ACAP2: variants seen among roughly 807,000 people sequenced by gnomAD.
ACAP2 encodes ArfGAP with coiled-coil, ankyrin repeat and PH domains 2, also known as arf-GAP with coiled-coil, ANK repeat and PH domain-containing protein 2.
Under a neutral mutation model 115.8 loss-of-function variants are expected in ACAP2, and 39 were observed. The observed-to-expected ratio is 0.34, with a 90% CI of 0.26 to 0.44. The LOEUF (loss-of-function observed/expected upper bound fraction) is 0.44. Among genes scored for constraint, ACAP2 ranks in the 20% least tolerant of loss-of-function variants. The pLI, the probability that ACAP2 is intolerant of heterozygous loss-of-function variation, is 1.00. For missense variants in ACAP2, 662 were observed against 927.6 expected (o/e 0.71, Z 3.72); for synonymous variants, 289 against 315.8 (o/e 0.92, Z 0.90).
intron 4 of ACAP2, among the ~76,000 whole-genome samples, chr3:195,353,698 G>A (rs1439078307): frequency 6.6e-6 from 1 of 152,134 alleles, no homozygotes; most frequent in African/African-American, 2.4e-5. Context: ...GAGATGTGTG[G>A]ATCTCAAAAG....
chr3:195,356,028 C>A (rs1385809304), intron 4 of ACAP2: 1 of 447,614 alleles, frequency 2.2e-6, no homozygotes, highest in South Asian at 1.6e-5. Flanking sequence ...ACAAAAAGCA[C>A]CTTCATAAGA....
intron 10 of ACAP2, among the ~76,000 whole-genome samples, chr3:195,320,053 G>A (rs773255665): frequency 3.9e-5 from 6 of 152,082 alleles, no homozygotes; most frequent in African/African-American, 7.2e-5. Context: ...GTTTAAAAGC[G>A]GCAATTTCCC....
intron 13 of ACAP2, among the ~76,000 whole-genome samples, chr3:195,305,696 T>C (rs193063330): frequency 1.3e-5 from 2 of 152,266 alleles, no homozygotes; most frequent in Non-Finnish European, 2.9e-5. Flanking sequence ...CTATCTTTGC[T>C]GACATGCCCT....
chr3:195,403,154 T>C (rs952802405), intron 1 of ACAP2, among the ~76,000 whole-genome samples: 1 of 152,144 alleles, frequency 6.6e-6, no homozygotes, highest in African/African-American at 2.4e-5. Flanking sequence ...CAGTGAACCA[T>C]GCAGACAAGG....
rs1201422356 is a variant in ACAP2 at position 195,411,125 on chromosome 3, AC to A, written c.54-18979del. On this transcript the variant is annotated intron_variant, in intron 1 of 22. Transcript: ENST00000326793. The stretch of plus-strand genomic sequence containing the variant: ...CCCATTAGGATGGCTACTAAAAAAA[AC>A]ATAACAAGTGTCAATGAGGACGTGG... The A allele has an allele frequency of 3.6e-5, 7 of 193,030 alleles. No individual in the cohort carries two copies. The East Asian group carries it at 1.0e-3, about 28-fold the overall frequency. The allele number at this position is 193,030 out of a possible 1,614,324, so 12.0% of individuals were successfully genotyped here. A position where few individuals can be genotyped will look rare whatever the true frequency, so the allele number is the denominator to read the frequency against.
rs749352761 is a variant in ACAP2, at chr3:195,377,138, C to CTTTTTTTT, written c.285+3863_285+3870dup. On this transcript the variant is annotated intron_variant, in intron 4 of 22. Coordinates refer to ENST00000326793, the MANE Select transcript of ACAP2 (RefSeq NM_012287.6). Reference sequence around the variant, plus strand: ...CATTTTACAGAGGAGGAATGTAAATCTTTTTTTTTTTTTTTTTTTTTTTGG... The same window carrying CTTTTTTTT: ...CATTTTACAGAGGAGGAATGTAAATCTTTTTTTTTTTTTTTTTTTTTTTTTTTTTTTGG... Among the ~76,000 whole-genome samples, 652 of 77,094 alleles carry CTTTTTTTT rather than the reference C, an allele frequency of 8.5e-3. 99 individuals carry two copies. The highest frequency in any genetic ancestry group is 0.043 in the South Asian group (69 of 1,594). The allele number at this position is 77,094 out of a possible 152,430, so 50.6% of individuals were successfully genotyped here. A position where few individuals can be genotyped will look rare whatever the true frequency, so the allele number is the denominator to read the frequency against.
At chr3:195,286,277 G>C (rs779481401) in intron 21 of ACAP2, among the ~76,000 whole-genome samples, 10 of 152,174 alleles carry the variant, frequency 6.6e-5, no homozygotes, top group Non-Finnish European at 1.2e-4. Flanking sequence ...GGTAGCTGCA[G>C]ACATATAAAC....
chr3:195,425,318 C>G (rs1714600292), intron 1 of ACAP2, among the ~76,000 whole-genome samples: 1 of 152,118 alleles, frequency 6.6e-6, no homozygotes, highest in African/African-American at 2.4e-5. Flanking sequence ...CCCCAGGTGT[C>G]ATATATTACT....
chr3:195,302,423 A>G (rs545869882), intron 13 of ACAP2, among the ~76,000 whole-genome samples: 15 of 152,066 alleles, frequency 9.9e-5, no homozygotes, highest in Non-Finnish European at 5.9e-5. Context: ...CACAATGAAC[A>G]TATGTACAAA....
chr3:195,300,044 C>CTTTTTTTTTTTTTTTTTTTT (rs765234326), intron 15 of ACAP2, among the ~76,000 whole-genome samples: 5 of 34,348 alleles, frequency 1.5e-4, no homozygotes, highest in East Asian at 4.0e-4. Context: ...CTTTTTTTTT[C>CTTTTTTTTTTTTTTTTTTTT]TTTTTTTTTT....
intron 4 of ACAP2, among the ~76,000 whole-genome samples, chr3:195,357,466 G>GA (rs1050882369): frequency 6.6e-6 from 1 of 152,114 alleles, no homozygotes; most frequent in African/African-American, 2.4e-5. Context: ...ACTATAGCCT[G>GA]AGTGCCTTAA....
chr3:195,441,739 A>G (rs1253532618), intron 1 of ACAP2: 1 of 152,234 alleles, frequency 6.6e-6, no homozygotes, highest in Non-Finnish European at 1.5e-5. Flanking sequence ...TTATATTTGT[A>G]AGGACTATGA....
chr3:195,297,159 A>G, intron 16 of ACAP2, 31 bp downstream of exon 16: 2 of 1,566,214 alleles, frequency 1.3e-6, no homozygotes, highest in Non-Finnish European at 1.8e-6. Context: ...CTATATTCCT[A>G]ATTAGGGGGA....
rs56911559 is a variant in ACAP2, at chr3:195,352,851, C to T, written c.286-7534G>A. 1.0e-3 allele frequency among the ~76,000 whole-genome samples: 158 copies of T among 152,132 alleles called. 1 individual carries two copies. The highest frequency in any genetic ancestry group is 3.6e-3 in the African/African-American group (149 of 41,476). ...GTCTCAGCACTTTGGGAGGCTGAGG[C>T]GGGCAGATCACTTGAGGTCAGGAGT... On this transcript the variant is annotated intron_variant, in intron 4 of 22. Transcript: ENST00000326793.
intron 1 of ACAP2, among the ~76,000 whole-genome samples, chr3:195,434,575 G>A (rs764158090): frequency 6.6e-6 from 1 of 152,168 alleles, no homozygotes; most frequent in African/African-American, 2.4e-5. Flanking sequence ...CCTGGCTTTG[G>A]TAGCAGGATA....
At chr3:195,306,771 G>T (rs1194411692) in intron 12 of ACAP2, 155 bp from the exon 13 acceptor site, 3 of 515,406 alleles carry the variant, frequency 5.8e-6, no homozygotes, top group South Asian at 3.2e-5. Flanking sequence ...GTATCTTTAG[G>T]GCAAAGTATG....
At chr3:195,436,098 C>A (rs981288895) in intron 1 of ACAP2, among the ~76,000 whole-genome samples, 5 of 149,250 alleles carry the variant, frequency 3.4e-5, no homozygotes, top group Non-Finnish European at 7.4e-5. Flanking sequence ...CATACACACA[C>A]ACAGATATAT....
chr3:195,339,871 T>C (rs180920865), intron 6 of ACAP2, among the ~76,000 whole-genome samples: 298 of 152,218 alleles, frequency 2.0e-3, no homozygotes, highest in Non-Finnish European at 3.4e-3. Context: ...ACTACATATC[T>C]ATTTTCTAAC....
intron 1 of ACAP2, 63 bp downstream of exon 1, chr3:195,442,732 C>T (rs1716113898): frequency 6.6e-7 from 1 of 1,504,664 alleles, no homozygotes; most frequent in Non-Finnish European, 8.9e-7. Flanking sequence ...GCGGGCCCGG[C>T]TTTCACGCCC....
Sources: gnomAD v4.1 joint callset for allele counts (sites outside exome capture counted in the v4.1 genomes callset) on GRCh38, gnomAD v4.1.1 for gene constraint, MANE v1.5 for transcripts, NCBI Gene and HGNC (gene_info 2026-07-23, HGNC 2026-07-21) for gene names.